Variants in TRIO observed in about 807,000 individuals in gnomAD.
TRIO encodes triple functional domain protein.
Under a neutral mutation model 351.9 loss-of-function variants are expected in TRIO, and 58 were observed. The ratio of observed to expected loss-of-function variants is 0.16; its 90% CI spans 0.13 to 0.21. The LOEUF (loss-of-function observed/expected upper bound fraction) is 0.21. Ranked by LOEUF, TRIO falls within the 10% of genes least tolerant of loss-of-function variation. The pLI is 1.00. For missense variants in TRIO, 3,201 were observed against 4,027.8 expected, an observed-to-expected ratio of 0.79 and a Z score of 5.56; for synonymous variants, 1,758 against 1,595.7, an observed-to-expected ratio of 1.10 and a Z score of -2.42.
At chr5:14,455,880 G>A (rs765345174) in intron 34 of TRIO, among the ~76,000 whole-genome samples, 134 of 152,370 alleles carry the variant, frequency 8.8e-4, no homozygotes, top group Non-Finnish European at 1.4e-3. Flanking sequence ...CGCCAGTCCC[G>A]CACTGCACAC....
intron 27 of TRIO, 113 bp downstream of exon 27, chr5:14,391,103 C>G: frequency 1.3e-6 from 1 of 779,570 alleles, no homozygotes; most frequent in South Asian, 2.2e-5. Flanking sequence ...TTTTGTCTAT[C>G]ATTTTTGTCT....
intron 1 of TRIO, among the ~76,000 whole-genome samples, chr5:14,253,247 T>C (rs1266216060): frequency 5.3e-5 from 8 of 152,246 alleles, no homozygotes; most frequent in Non-Finnish European, 1.0e-4. Flanking sequence ...TATTTTTAAA[T>C]GCCTATTTAG....
chr5:14,277,195 T>C (rs941801276), intron 2 of TRIO, among the ~76,000 whole-genome samples: 2 of 152,190 alleles, frequency 1.3e-5, no homozygotes, highest in African/African-American at 2.4e-5. Context: ...AGGAGACAGA[T>C]AGACAAAAAG....
At chr5:14,412,175 A>G (rs567070312) in intron 33 of TRIO, among the ~76,000 whole-genome samples, 62 of 152,058 alleles carry the variant, frequency 4.1e-4, no homozygotes, top group African/African-American at 1.4e-3. Flanking sequence ...TTTAGTAGAG[A>G]TGGGGTTTTG....
intron 1 of TRIO, among the ~76,000 whole-genome samples, chr5:14,240,613 C>T (rs367844932): frequency 1.3e-5 from 2 of 152,298 alleles, no homozygotes; most frequent in East Asian, 1.9e-4. Context: ...ACCCTTTCAG[C>T]TGCAGGGAGT....
At chr5:14,414,914 G>A (rs1749517697) in intron 33 of TRIO, among the ~76,000 whole-genome samples, 1 of 152,244 alleles carries the variant, frequency 6.6e-6, no homozygotes, top group East Asian at 1.9e-4. Flanking sequence ...GAGAGCCTGG[G>A]GCATAATAGC....
At chr5:14,230,657 T>A (rs577205682) in intron 1 of TRIO, among the ~76,000 whole-genome samples, 1 of 152,252 alleles carries the variant, frequency 6.6e-6, no homozygotes, top group South Asian at 2.1e-4. Context: ...ATTCATTTCT[T>A]CCTTTTTGCC....
intron 1 of TRIO, among the ~76,000 whole-genome samples, chr5:14,234,772 G>T (rs1190130319): frequency 6.6e-6 from 1 of 152,178 alleles, no homozygotes; most frequent in East Asian, 1.9e-4. Context: ...TGCCACGTCA[G>T]ATCATTTCAC....
intron 11 of TRIO, among the ~76,000 whole-genome samples, chr5:14,346,218 A>T (rs1212078008): frequency 6.6e-6 from 1 of 152,196 alleles, no homozygotes. Flanking sequence ...GGAAGGGTTG[A>T]GCTTTCTGCT....
In TRIO at chr5:14,405,965, C is replaced by G; in HGVS notation, c.4834C>G (p.Pro1612Ala). 1.9e-6 allele frequency: 3 copies of G among 1,612,870 alleles called. No individual in the cohort carries two copies. Among genetic ancestry groups the G allele is most frequent in the Middle Eastern group, 1.7e-4 (1 of 5,796 alleles). Reference protein sequence around the residue: ...KEPIHIPKTAPATRQKGRRDG... With the variant: ...KEPIHIPKTAAATRQKGRRDG... ...GCCCATTCACATCCCTAAGACCGCT[C>G]CCGCCACAAGACAGAAGGGAAGGAG... is the stretch of plus-strand genomic sequence containing the variant. The change falls in exon 32 of 57, where the codon CCC (proline) becomes GCC (alanine). Residue 1612 changes from proline (P) to alanine (A), a missense_variant. Transcript: ENST00000344204.
chr5:14,505,688 T>G (rs961225298), intron 55 of TRIO, among the ~76,000 whole-genome samples: 3 of 152,294 alleles, frequency 2.0e-5, no homozygotes, highest in Non-Finnish European at 1.5e-5. Context: ...GCGTCCCACA[T>G]GGCCCCACAT....
chr5:14,477,098 T>C (rs1755138253), intron 41 of TRIO, 135 bp downstream of exon 41: 3 of 733,374 alleles, frequency 4.1e-6, no homozygotes, highest in Non-Finnish European at 6.5e-6. Flanking sequence ...TGCATGGTGT[T>C]AATGAGTTGG....
intron 1 of TRIO, among the ~76,000 whole-genome samples, chr5:14,147,619 C>A (rs914621624): frequency 1.3e-5 from 2 of 152,222 alleles, no homozygotes; most frequent in Non-Finnish European, 2.9e-5. Flanking sequence ...TTACTCGACT[C>A]CTCCTGCAGC....
chr5:14,216,424 C>G (rs1007758931), intron 1 of TRIO, among the ~76,000 whole-genome samples: 1 of 152,194 alleles, frequency 6.6e-6, no homozygotes, highest in Non-Finnish European at 1.5e-5. Context: ...TTTCAAACAA[C>G]AAGGTGGTTT....
At chr5:14,344,922 A>G (rs1742277182) in intron 11 of TRIO, among the ~76,000 whole-genome samples, 1 of 152,224 alleles carries the variant, frequency 6.6e-6, no homozygotes, top group Non-Finnish European at 1.5e-5. Flanking sequence ...ATCATTTTGT[A>G]CACATCACTA....
At chr5:14,315,377 C>G (rs1294884489) in intron 8 of TRIO, among the ~76,000 whole-genome samples, 1 of 151,798 alleles carries the variant, frequency 6.6e-6, no homozygotes, top group Admixed American at 6.6e-5. Context: ...CTCAGCCTCC[C>G]GAGTAGCTGG....
intron 31 of TRIO, among the ~76,000 whole-genome samples, chr5:14,402,719 C>G (rs1188646791): frequency 6.7e-6 from 1 of 148,644 alleles, no homozygotes; most frequent in African/African-American, 2.5e-5. Context: ...CAGATGGTGG[C>G]AGTGGTGTAG....
intron 1 of TRIO, among the ~76,000 whole-genome samples, chr5:14,152,363 T>TGTTC (rs1373133280): frequency 6.6e-6 from 1 of 151,094 alleles, no homozygotes; most frequent in African/African-American, 2.4e-5. Context: ...TCAGTTTTTT[T>TGTTC]GTTTGTTTGT....
Position 14,236,908 on chromosome 5 carries a change from A to G in TRIO, c.158-33917A>G, listed in dbSNP as rs966013975. Reference sequence around the variant, plus strand: ...ACTTTCTGTCTCAGTGGCTTTGCCTATGAAACAACCTGTTTTTATAACCTG... The same window carrying G: ...ACTTTCTGTCTCAGTGGCTTTGCCTGTGAAACAACCTGTTTTTATAACCTG... On this transcript the variant is annotated intron_variant, in intron 1 of 56. Coordinates refer to ENST00000344204, the MANE Select transcript of TRIO (RefSeq NM_007118.4). Among the ~76,000 whole-genome samples the G allele has an allele frequency of 7.2e-5, 11 of 152,240 alleles. 1 individual carries two copies. Among genetic ancestry groups the G allele is most frequent in the Admixed American group, 3.3e-4 (5 of 15,300 alleles).
Sources: allele counts gnomAD v4.1 joint callset (sites outside exome capture counted in the v4.1 genomes callset), GRCh38; gene constraint gnomAD v4.1.1; transcripts MANE v1.5; gene names NCBI Gene and HGNC (gene_info 2026-07-23, HGNC 2026-07-21).